The following PDK1 variants were observed in gnomAD, a reference collection of about 807,000 sequenced individuals.
The protein encoded by PDK1 is pyruvate dehydrogenase kinase 1.
PDK1 carries 39 observed loss-of-function variants against 54.2 expected under a neutral mutation model. The ratio of observed to expected loss-of-function variants is 0.72; its 90% CI spans 0.56 to 0.94. The LOEUF (loss-of-function observed/expected upper bound fraction) is 0.94, where lower values mean the gene tolerates loss of function less well. Ranked by LOEUF, PDK1 falls within the 40% of genes least tolerant of loss-of-function variation. The pLI, the probability that PDK1 is intolerant of heterozygous loss-of-function variation, is 0.00. For synonymous variants in PDK1, 221 were observed against 207.1 expected (o/e 1.07, Z -0.58); for missense variants, 552 against 566.0 (o/e 0.98, Z 0.25).
chr2:172,693,459 T>C, the PDK1 span, among the ~76,000 whole-genome samples: 2 of 152,244 alleles, frequency 1.3e-5, no homozygotes, highest in Non-Finnish European at 2.9e-5. Flanking sequence ...GTAATAATGT[T>C]AGCATACCTA....
At chr2:172,613,166 G>T (rs1037968619), downstream of PDK1, among the ~76,000 whole-genome samples, 3 of 152,188 alleles carry the variant, frequency 2.0e-5, no homozygotes, top group African/African-American at 7.2e-5. Context: ...AGGAGCTCAG[G>T]AGCGAAGACT....
the PDK1 span, among the ~76,000 whole-genome samples, chr2:172,709,469 G>A: frequency 2.0e-5 from 3 of 152,318 alleles, no homozygotes; most frequent in Admixed American, 6.5e-5. Context: ...GAAAGGCAAC[G>A]CTCATCCCAA....
chr2:172,666,994 A>AATCTAAGGGGTGC, the PDK1 span, among the ~76,000 whole-genome samples: 9 of 152,246 alleles, frequency 5.9e-5, no homozygotes, highest in Non-Finnish European at 1.0e-4. Context: ...TATTTGTATA[A>AATCTAAGGGGTGC]ATCTAAGGGG....
In PDK1 at chr2:172,565,036, C is replaced by G. The variant is rs752073863; in HGVS notation, c.654C>G (p.Ser218Arg). The G allele has an allele frequency of 6.2e-7, 1 of 1,610,226 alleles. No homozygotes were observed. The highest frequency in any genetic ancestry group is 1.7e-5 in the Admixed American group (1 of 59,996). The part of the protein sequence containing the change: ...GSPSHRKHIG[S>R]INPNCNVLEV... ...CATCTCATCGAAAACACATTGGAAG[C>G]ATAAATCCAAACTGCAATGTACTTG... is the stretch of plus-strand genomic sequence containing the variant. The change falls in exon 5 of 11, where the codon AGC (serine) becomes AGG (arginine). Residue 218 changes from serine (S) to arginine (R), a missense_variant. Physicochemically the swap from Ser to Arg is moderately radical, Grantham distance 110. Coordinates refer to ENST00000282077, the MANE Select transcript of PDK1 (RefSeq NM_002610.5).
chr2:172,668,765 T>A, the PDK1 span, among the ~76,000 whole-genome samples: 2 of 146,566 alleles, frequency 1.4e-5, no homozygotes, highest in South Asian at 2.1e-4. Flanking sequence ...ATATATATTT[T>A]CTATATATAT....
chr2:172,678,260 T>A, the PDK1 span, among the ~76,000 whole-genome samples: 1 of 151,530 alleles, frequency 6.6e-6, no homozygotes, highest in Non-Finnish European at 1.5e-5. Flanking sequence ...CTTCTGAGAG[T>A]GAAGGGACCA....
chr2:172,663,630 C>A, the PDK1 span, among the ~76,000 whole-genome samples: 3 of 152,130 alleles, frequency 2.0e-5, no homozygotes, highest in African/African-American at 7.2e-5. Context: ...ACCAGCCTGC[C>A]CACTGAGGTG....
At chr2:172,702,205 A>G in the PDK1 span, among the ~76,000 whole-genome samples, 8,124 of 152,046 alleles carry the variant, frequency 0.053, 414 homozygotes, top group East Asian at 0.22. Flanking sequence ...GGCCGGGCGC[A>G]GTGGTTCATG....
chr2:172,713,668 C>T, the PDK1 span, among the ~76,000 whole-genome samples: 3 of 152,244 alleles, frequency 2.0e-5, no homozygotes, highest in East Asian at 1.9e-4. Context: ...CCAGGCAACG[C>T]GGGCAGGCAC....
the PDK1 span, among the ~76,000 whole-genome samples, chr2:172,671,358 T>G: frequency 1.6e-3 from 240 of 151,346 alleles, 1 homozygote; most frequent in South Asian, 2.9e-3. Flanking sequence ...CTGATAATTA[T>G]ATGAATAAAT....
At chr2:172,656,197 C>G in the PDK1 span, among the ~76,000 whole-genome samples, 2 of 152,170 alleles carry the variant, frequency 1.3e-5, no homozygotes, top group African/African-American at 2.4e-5. Context: ...GTATTTTTTA[C>G]ACTAAAACGA....
chr2:172,702,158 G>A, the PDK1 span, among the ~76,000 whole-genome samples: 1 of 152,144 alleles, frequency 6.6e-6, no homozygotes, highest in African/African-American at 2.4e-5. Flanking sequence ...TTCCTAGGGT[G>A]CATTGCTTGT....
chr2:172,575,202 A>C (rs1574492652), intron 8 of PDK1, among the ~76,000 whole-genome samples: 1 of 152,168 alleles, frequency 6.6e-6, no homozygotes, highest in East Asian at 1.9e-4. Context: ...TCTTGGGATA[A>C]GTCTCAATTT....
At chr2:172,709,673 A>G in the PDK1 span, among the ~76,000 whole-genome samples, 5 of 152,242 alleles carry the variant, frequency 3.3e-5, no homozygotes, top group African/African-American at 1.2e-4. Flanking sequence ...TTCAGTTACC[A>G]TGGCATACTA....
At chr2:172,677,449 G>A in the PDK1 span, 1 of 152,100 alleles carries the variant, frequency 6.6e-6, no homozygotes, top group Non-Finnish European at 1.5e-5. Flanking sequence ...TATTTGATTG[G>A]GTTTAGAATC....
At chr2:172,590,137 T>A (rs1008950937) in intron 9 of PDK1, among the ~76,000 whole-genome samples, 3 of 152,162 alleles carry the variant, frequency 2.0e-5, no homozygotes, top group Non-Finnish European at 2.9e-5. Context: ...ATTAGAGATA[T>A]CTCCAGGCTC....
chr2:172,586,340 T>C lies in PDK1; in HGVS notation c.1008T>C (p.Tyr336=). The change falls in exon 9 of 11, where the codon TAT becomes TAC. Residue 336 remains tyrosine (Y), a synonymous_variant. Transcript: ENST00000282077. ...RKIDRLFNYM[Y]STAPRPRVET... is the part of the protein sequence containing the mutation. ...TTGACAGACTTTTCAACTACATGTA[T>C]TCAACTGCACCAAGACCTCGTGTTG... 2 of 1,613,196 alleles carry C rather than the reference T, an allele frequency of 1.2e-6. No individual in the cohort carries two copies. Among genetic ancestry groups the C allele is most frequent in the Non-Finnish European group, 1.7e-6 (2 of 1,179,304 alleles).
Position 172,596,423 on chromosome 2 carries a change from GTTTA to G in PDK1, c.*456_*459del. ...GTGACAGCTGTAATATGGTCTTCAT[GTTTA>G]TCAGTGACTTGACTACAAGTAAAGC... is the stretch of plus-strand genomic sequence containing the variant. On this transcript the variant is annotated 3_prime_UTR_variant, in exon 11 of 11. Coordinates refer to ENST00000282077, the MANE Select transcript of PDK1 (RefSeq NM_002610.5). 1 of 153,574 alleles carries G rather than the reference GTTTA, an allele frequency of 6.5e-6. No homozygotes were observed. Among genetic ancestry groups the G allele is most frequent in the East Asian group, 1.9e-4 (1 of 5,248 alleles). 9.5% of individuals were successfully genotyped at this position (153,574 alleles called of 1,614,324 possible). A position where few individuals can be genotyped will look rare whatever the true frequency, so the allele number is the denominator to read the frequency against.
At position 172,568,754 on chromosome 2, in the gene PDK1, A is replaced by G; in HGVS notation, c.783A>G (p.Gly261=). 3 of 1,606,480 alleles carry G rather than the reference A, an allele frequency of 1.9e-6. No homozygotes were observed. The highest frequency in any genetic ancestry group is 1.7e-6 in the Non-Finnish European group (2 of 1,173,030). ...ELEELNAKSP[G]QPIQVVYVPS... ...TCTGCTCTGTAGCAAAATCACCAGG[A>G]CAGCCAATACAAGTGGTTTATGTAC... The change falls in exon 7 of 11, where the codon GGA becomes GGG. Residue 261 remains glycine, a synonymous_variant. Transcript: ENST00000282077.
Sources: gnomAD v4.1 joint callset for allele counts (sites outside exome capture counted in the v4.1 genomes callset) on GRCh38, gnomAD v4.1.1 for gene constraint, MANE v1.5 for transcripts, NCBI Gene and HGNC (gene_info 2026-07-23, HGNC 2026-07-21) for gene names.